Variants in CPA6 observed in about 807,000 individuals in gnomAD.
CPA6 encodes the protein carboxypeptidase A6.
Under a neutral mutation model 63.3 loss-of-function variants are expected in CPA6, and 58 were observed. The observed-to-expected ratio is 0.92, with a 90% CI of 0.74 to 1.14. The LOEUF (loss-of-function observed/expected upper bound fraction) is 1.14, where lower values mean the gene tolerates loss of function less well. Ranked by LOEUF, CPA6 falls within the 50% of genes most tolerant of loss-of-function variation. The pLI, the probability that CPA6 is intolerant of heterozygous loss-of-function variation, is 0.00. For synonymous variants in CPA6, 185 were observed against 179.0 expected, an observed-to-expected ratio of 1.03 and a Z score of -0.27; for missense variants, 565 against 526.6, an observed-to-expected ratio of 1.07 and a Z score of -0.71.
chr8:67,663,948 C>T (rs1407358492), intron 1 of CPA6, among the ~76,000 whole-genome samples: 1 of 152,182 alleles, frequency 6.6e-6, no homozygotes, highest in African/African-American at 2.4e-5. Flanking sequence ...ATGGAAACCC[C>T]TTCCAAGATA....
intron 4 of CPA6, 59 bp from the exon 5 acceptor site, chr8:67,509,677 GAAC>G (rs1246198123): frequency 2.5e-6 from 2 of 815,958 alleles, no homozygotes; most frequent in East Asian, 5.3e-5. Context: ...AGCTTTTAGA[GAAC>G]AAAAGGAAAC....
intron 1 of CPA6, among the ~76,000 whole-genome samples, chr8:67,718,284 TA>T (rs1429857119): frequency 2.6e-5 from 4 of 152,114 alleles, no homozygotes; most frequent in Admixed American, 2.0e-4. Flanking sequence ...AATTGTGAGG[TA>T]TTTTTTTTTA....
intron 8 of CPA6, among the ~76,000 whole-genome samples, chr8:67,476,618 C>G (rs1811245785): frequency 6.6e-6 from 1 of 150,566 alleles, no homozygotes; most frequent in African/African-American, 2.5e-5. Flanking sequence ...ATTCTGATAC[C>G]TAAACTGCTC....
intron 6 of CPA6, among the ~76,000 whole-genome samples, chr8:67,490,059 T>C (rs78546410): frequency 0.03 from 4,530 of 152,262 alleles, 226 homozygotes; most frequent in African/African-American, 0.1. Flanking sequence ...ATTCTCCATC[T>C]GGTCACACAA....
intron 2 of CPA6, among the ~76,000 whole-genome samples, chr8:67,588,289 A>G (rs1162933125): frequency 6.6e-6 from 1 of 152,242 alleles, no homozygotes; most frequent in East Asian, 1.9e-4. Flanking sequence ...TCAGTCGGTT[A>G]CTGATTAGAT....
intron 2 of CPA6, among the ~76,000 whole-genome samples, chr8:67,563,962 A>G (rs1813276348): frequency 6.6e-6 from 1 of 152,174 alleles, no homozygotes; most frequent in Non-Finnish European, 1.5e-5. Context: ...TTGCCTCTTC[A>G]AAGGTTTCAA....
chr8:67,658,328 G>T (rs11784274), intron 1 of CPA6, among the ~76,000 whole-genome samples: 1 of 152,000 alleles, frequency 6.6e-6, no homozygotes, highest in Non-Finnish European at 1.5e-5. Context: ...TTAGGTCAGG[G>T]GTTAGTTCTT....
At chr8:67,580,249 AAGC>A (rs1029911862) in intron 2 of CPA6, among the ~76,000 whole-genome samples, 4 of 152,220 alleles carry the variant, frequency 2.6e-5, no homozygotes, top group Non-Finnish European at 4.4e-5. Context: ...GGCAGCTGTT[AAGC>A]TGTGGGGGTG....
At chr8:67,531,910 T>C (rs963306674) in intron 2 of CPA6, among the ~76,000 whole-genome samples, 1 of 152,150 alleles carries the variant, frequency 6.6e-6, no homozygotes, top group Non-Finnish European at 1.5e-5. Context: ...AAACTATCTA[T>C]ATTTAGAAAT....
intron 1 of CPA6, among the ~76,000 whole-genome samples, chr8:67,663,478 T>G (rs926350571): frequency 2.0e-5 from 3 of 152,144 alleles, no homozygotes; most frequent in Middle Eastern, 3.2e-3. Context: ...ACCTAGGTAT[T>G]AAGCCCAACA....
At chr8:67,431,251 T>G (rs1428687665) in intron 9 of CPA6, among the ~76,000 whole-genome samples, 1 of 152,124 alleles carries the variant, frequency 6.6e-6, no homozygotes, top group Non-Finnish European at 1.5e-5. Flanking sequence ...TGATAATTTT[T>G]TTTTTTCAGA....
At chr8:67,481,830 G>A (rs1029767498) in intron 8 of CPA6, among the ~76,000 whole-genome samples, 4 of 152,206 alleles carry the variant, frequency 2.6e-5, no homozygotes, top group Non-Finnish European at 4.4e-5. Flanking sequence ...TGGGAGGGAG[G>A]CAGGTCACAC....
At chr8:67,547,497 A>T (rs1041088507) in intron 2 of CPA6, among the ~76,000 whole-genome samples, 2 of 147,422 alleles carry the variant, frequency 1.4e-5, no homozygotes, top group Non-Finnish European at 3.0e-5. Context: ...AATGAATTAT[A>T]GTCTTTTTTT....
At chr8:67,726,160 CT>C (rs1231199355) in intron 1 of CPA6, among the ~76,000 whole-genome samples, 4 of 152,090 alleles carry the variant, frequency 2.6e-5, no homozygotes, top group Non-Finnish European at 5.9e-5. Context: ...TTCAGAAGCT[CT>C]TTTTCTTATA....
chr8:67,425,360 A>G (rs1291589425), intron 10 of CPA6, among the ~76,000 whole-genome samples: 1 of 152,148 alleles, frequency 6.6e-6, no homozygotes, highest in East Asian at 1.9e-4. Context: ...ACAAGTTAGG[A>G]TGGAATTATT....
chr8:67,730,486 AATTG>A (rs1486886185), intron 1 of CPA6, among the ~76,000 whole-genome samples: 1 of 152,160 alleles, frequency 6.6e-6, no homozygotes, highest in Non-Finnish European at 1.5e-5. Context: ...ATGAGGGCAC[AATTG>A]ATTAAATCAT....
intron 1 of CPA6, among the ~76,000 whole-genome samples, chr8:67,726,685 G>A (rs1394941213): frequency 6.6e-6 from 1 of 152,118 alleles, no homozygotes; most frequent in Non-Finnish European, 1.5e-5. Context: ...ATTTCTATTT[G>A]AAAATCCATT....
chr8:67,648,239 T>C (rs1161265966), intron 1 of CPA6, among the ~76,000 whole-genome samples: 1 of 147,726 alleles, frequency 6.8e-6, no homozygotes, highest in African/African-American at 2.5e-5. Context: ...AGAAATAGTA[T>C]TCAAATTTCC....
At chr8:67,435,933 C>A (rs1810141802) in intron 8 of CPA6, among the ~76,000 whole-genome samples, 1 of 151,558 alleles carries the variant, frequency 6.6e-6, no homozygotes, top group African/African-American at 2.4e-5. Context: ...CCCCTTAGGG[C>A]CCCCTACCCC....
Sources: gnomAD v4.1 joint callset for allele counts (sites outside exome capture counted in the v4.1 genomes callset) on GRCh38, gnomAD v4.1.1 for gene constraint, MANE v1.5 for transcripts, NCBI Gene and HGNC (gene_info 2026-07-23, HGNC 2026-07-21) for gene names.